COLEC10: variants seen among roughly 807,000 people sequenced by gnomAD.
COLEC10 encodes collectin subfamily member 10.
Under a neutral mutation model 28.4 loss-of-function variants are expected in COLEC10, and 22 were observed. That is an observed-to-expected ratio of 0.78 (90% CI 0.55 to 1.11). The LOEUF is 1.11. Among genes scored for constraint, COLEC10 ranks in the 50% least tolerant of loss-of-function variants. The probability of loss-of-function intolerance (pLI) is 0.00; values close to 1 mark genes in which losing one functional copy is unlikely to be tolerated. For missense variants in COLEC10, 361 were observed against 344.1 expected (o/e 1.05, Z -0.39); for synonymous variants, 125 against 116.1 (o/e 1.08, Z -0.49).
intron 3 of COLEC10, among the ~76,000 whole-genome samples, chr8:119,095,255 C>A (rs1815687289): frequency 6.6e-6 from 1 of 151,952 alleles, no homozygotes; most frequent in African/African-American, 2.4e-5. Flanking sequence ...AAGTTATAAG[C>A]CCTCCACAAT....
intron 2 of COLEC10, among the ~76,000 whole-genome samples, chr8:119,018,143 A>T (rs1382573334): frequency 6.6e-6 from 1 of 152,200 alleles, no homozygotes; most frequent in Non-Finnish European, 1.5e-5. Context: ...TTCCCTACAG[A>T]CATGAAAAGA....
chr8:118,997,154 T>C (rs1041099442), intron 1 of COLEC10, among the ~76,000 whole-genome samples: 3 of 152,194 alleles, frequency 2.0e-5, no homozygotes, highest in African/African-American at 7.2e-5. Flanking sequence ...TCCTCAGCTT[T>C]TGTTTTGTTT....
the COLEC10 span, among the ~76,000 whole-genome samples, chr8:118,970,319 C>A: frequency 3.3e-5 from 5 of 151,980 alleles, no homozygotes; most frequent in Non-Finnish European, 5.9e-5. Flanking sequence ...GGGGTACATT[C>A]AATGACTCCA....
In COLEC10 at chr8:119,009,330, A is replaced by G. The variant is rs537989424; in HGVS notation, n.123-111A>G. 2.0e-5 allele frequency: 3 copies of G among 150,864 alleles called. No individual in the cohort carries two copies. In the South Asian group the frequency reaches 6.2e-4, roughly 31 times the overall value. The allele number at this position is 150,864 out of a possible 1,614,324, so 9.3% of individuals were successfully genotyped here. On this transcript the variant is annotated intron_variant and non_coding_transcript_variant, in intron 1 of 6. Coordinates refer to the COLEC10 transcript ENST00000521788. ...CCTGTGAGAGGCGATTTGGTTGTTA[A>G]GAGGTACTAATGCCTTTCTCTCCAG...
Position 119,014,994 on chromosome 8 carries a change from C to T in COLEC10, n.235+5441C>T, listed in dbSNP as rs542380651. Among the ~76,000 whole-genome samples, 15 of 151,212 alleles carry T rather than the reference C, an allele frequency of 9.9e-5. 2 individuals carry two copies. Among genetic ancestry groups the T allele is most frequent in the African/African-American group, 3.7e-4 (15 of 40,566 alleles). On this transcript the variant is annotated intron_variant and non_coding_transcript_variant, in intron 2 of 6. Coordinates refer to the COLEC10 transcript ENST00000521788. Reference sequence around the variant, plus strand: ...ATGTTGCTTAGTTTAACCATTAGGGCCCTTAGCATATTAACCATAGTTTTT... The same window carrying T: ...ATGTTGCTTAGTTTAACCATTAGGGTCCTTAGCATATTAACCATAGTTTTT...
At chr8:119,041,969 C>T (rs553551981) in intron 2 of COLEC10, among the ~76,000 whole-genome samples, 2 of 151,968 alleles carry the variant, frequency 1.3e-5, no homozygotes, top group African/African-American at 4.8e-5. Flanking sequence ...ATGAAATAGG[C>T]AGGAGGTAGG....
intron 2 of COLEC10, among the ~76,000 whole-genome samples, chr8:119,012,690 A>T (rs763315880): frequency 1.3e-4 from 20 of 150,414 alleles, no homozygotes; most frequent in Non-Finnish European, 3.0e-5. Context: ...TTCTTGTGTG[A>T]GTTTTGGCAG....
At chr8:119,006,723 T>C (rs1276684520) in intron 1 of COLEC10, among the ~76,000 whole-genome samples, 1 of 151,874 alleles carries the variant, frequency 6.6e-6, no homozygotes, top group Admixed American at 6.6e-5. Context: ...ATATTGCCTA[T>C]CATCATCTTT....
At chr8:119,100,579 T>C (rs72682433) in intron 3 of COLEC10, among the ~76,000 whole-genome samples, 11,628 of 152,272 alleles carry the variant, frequency 0.076, 604 homozygotes, top group Middle Eastern at 0.17. Flanking sequence ...CTATATCCTC[T>C]GCTGTACCTT....
chr8:119,091,131 A>G lies in COLEC10; in HGVS notation c.221-18A>G. 2 of 1,602,936 alleles carry G rather than the reference A, an allele frequency of 1.2e-6. No individual in the cohort carries two copies. The highest frequency in any genetic ancestry group is 1.7e-6 in the Non-Finnish European group (2 of 1,170,200). On this transcript the variant is annotated intron_variant, in intron 2 of 5. Transcript: ENST00000332843. ...AGATAAAACCTTATGATAAAAAGAT[A>G]ACATGTTTGCTTTTCAGGAATTAAA...
chr8:119,058,476 TCTC>T (rs1814800378), intron 2 of COLEC10, among the ~76,000 whole-genome samples: 1 of 152,070 alleles, frequency 6.6e-6, no homozygotes, highest in African/African-American at 2.4e-5. Context: ...TGTAGAGGGT[TCTC>T]CTTTTCTAGA....
intron 2 of COLEC10, among the ~76,000 whole-genome samples, chr8:119,047,550 G>A (rs1366932709): frequency 6.6e-6 from 1 of 152,140 alleles, no homozygotes; most frequent in African/African-American, 2.4e-5. Context: ...AAGGCACAAA[G>A]ACTAAAGATG....
chr8:118,988,686 A>G, the COLEC10 span, among the ~76,000 whole-genome samples: 59 of 152,224 alleles, frequency 3.9e-4, no homozygotes, highest in African/African-American at 2.4e-4. Flanking sequence ...ACTGACAAGT[A>G]TAATAACAGT....
chr8:118,982,974 G>A, the COLEC10 span: 1 of 152,170 alleles, frequency 6.6e-6, no homozygotes, highest in Non-Finnish European at 1.5e-5. Context: ...TAGCCATGTG[G>A]TTACAGCTTG....
chr8:119,096,583 T>C (rs948364319), intron 3 of COLEC10, among the ~76,000 whole-genome samples: 2 of 151,970 alleles, frequency 1.3e-5, no homozygotes, highest in African/African-American at 4.8e-5. Context: ...AGAGTGAGAC[T>C]GCATCTCAAA....
the COLEC10 span, among the ~76,000 whole-genome samples, chr8:118,962,278 G>A: frequency 2.0e-5 from 3 of 152,154 alleles, no homozygotes; most frequent in East Asian, 1.9e-4. Context: ...TGTATTCCAG[G>A]GAGGAATAGT....
intron 2 of COLEC10, among the ~76,000 whole-genome samples, chr8:119,057,282 C>T (rs912635320): frequency 6.6e-6 from 1 of 152,054 alleles, no homozygotes; most frequent in Non-Finnish European, 1.5e-5. Flanking sequence ...TCTCCTTCAC[C>T]TTCCACCATG....
intron 2 of COLEC10, among the ~76,000 whole-genome samples, chr8:119,033,138 T>TG (rs1814322252): frequency 6.6e-6 from 1 of 152,138 alleles, no homozygotes; most frequent in Admixed American, 6.5e-5. Context: ...GTGGAGGGCA[T>TG]GGGGCTGAAC....
Position 119,106,437 on chromosome 8 carries a change from A to G in COLEC10, c.*246A>G. ...TCTTGAGAGAGAATTTTAATTACTA[A>G]TTGTGCACGAGATAGTTGGTTGTCT... On this transcript the variant is annotated 3_prime_UTR_variant, in exon 6 of 6. Coordinates refer to ENST00000332843, the MANE Select transcript of COLEC10 (RefSeq NM_006438.5). 2.5e-6 allele frequency: 1 copy of G among 398,644 alleles called. No homozygotes were observed. The highest frequency in any genetic ancestry group is 4.6e-6 in the Non-Finnish European group (1 of 217,004). 24.7% of individuals were successfully genotyped at this position (398,644 alleles called of 1,614,324 possible). A position where few individuals can be genotyped will look rare whatever the true frequency, so the allele number is the denominator to read the frequency against.
Sources: allele counts gnomAD v4.1 joint callset (sites outside exome capture counted in the v4.1 genomes callset), GRCh38; gene constraint gnomAD v4.1.1; transcripts MANE v1.5; gene names NCBI Gene and HGNC (gene_info 2026-07-23, HGNC 2026-07-21).